Variants in FRG2C observed in about 807,000 individuals in gnomAD.
FRG2C encodes protein FRG2-like-2.
Under a neutral mutation model 14.1 loss-of-function variants are expected in FRG2C, and 8 were observed. The ratio of observed to expected loss-of-function variants is 0.57; its 90% confidence interval spans 0.33 to 1.02. The LOEUF (loss-of-function observed/expected upper bound fraction) is 1.02, where lower values mean the gene tolerates loss of function less well. FRG2C is among the 50% of genes least tolerant of loss of function. The pLI, the probability that FRG2C is intolerant of heterozygous loss-of-function variation, is 0.03. For missense variants in FRG2C, 214 were observed against 334.2 expected (o/e 0.64, Z 2.80); for synonymous variants, 92 against 127.4 (o/e 0.72, Z 1.87).
At chr3:75,665,448 A>T (rs1937064463) in intron 3 of FRG2C, 79 bp from the exon 4 acceptor site, 5 of 1,555,340 alleles carry the variant, frequency 3.2e-6, no homozygotes, top group Non-Finnish European at 4.3e-6. Context: ...AATGGGGTTC[A>T]CCTGGGTGCA....
Position 75,666,645 on chromosome 3 carries a change from T to C in FRG2C, c.*604T>C. On this transcript the variant is annotated 3_prime_UTR_variant, in exon 4 of 4. Transcript: ENST00000308062. Reference sequence around the variant, plus strand: ...GCCTCCACCTCCCGACGTGGTGGGGTTACAGGCATGAGCCGCTTTACCAAG... The same window carrying C: ...GCCTCCACCTCCCGACGTGGTGGGGCTACAGGCATGAGCCGCTTTACCAAG... 6.2e-6 allele frequency: 1 copy of C among 160,438 alleles called. No homozygotes were observed. Among genetic ancestry groups the C allele is most frequent in the South Asian group, 1.8e-4 (1 of 5,550 alleles). The allele number at this position is 160,438 out of a possible 1,614,324, so 9.9% of individuals were successfully genotyped here.
Position 75,665,192 on chromosome 3 carries a change from A to G in FRG2C, c.323A>G (p.Gln108Arg). 1 of 1,614,140 alleles carries G rather than the reference A, an allele frequency of 6.2e-7. No homozygotes were observed. Residue 108 changes from glutamine to arginine, a missense_variant, in exon 3 of 4, where the codon CAA becomes CGA. Gln to Arg is a conservative substitution (Grantham distance 43). Around this residue, in one of 3 missense-constraint regions of FRG2C, gnomAD observed 136 missense variants for 148.1 expected, o/e 0.92. Coordinates refer to ENST00000308062, the MANE Select transcript of FRG2C (RefSeq NM_001124759.5). ...AAAATCAGTTCCAAGGATATCTGCC[A>G]AGACAGAGCAGGTAGAATCTTGGTG... ...KRKISSKDIC[Q>R]DRAGNCPEEE...
At position 75,665,805 on chromosome 3, in the gene FRG2C, T is replaced by C. The variant is rs1423554966; in HGVS notation, c.613T>C (p.Cys205Arg). 8.7e-6 allele frequency: 14 copies of C among 1,614,058 alleles called. No homozygotes were observed. The highest frequency in any genetic ancestry group is 1.7e-5 in the Admixed American group (1 of 60,022). The change falls in exon 4 of 4, where the codon TGT (cysteine) becomes CGT (arginine). Residue 205 changes from cysteine to arginine, a missense_variant. Cys to Arg is a radical substitution (Grantham distance 180). Around this residue, in one of 3 missense-constraint regions of FRG2C, gnomAD observed 55 missense variants for 118.9 expected, o/e 0.46. Coordinates refer to ENST00000308062, the MANE Select transcript of FRG2C (RefSeq NM_001124759.5). The stretch of plus-strand genomic sequence containing the variant: ...ACAGCAGATCCATTCTCCACTGACC[T>C]GTGAGCAGCTGACACTGCTCACTCG... ...WAQQIHSPLT[C>R]EQLTLLTRLR...
Position 75,667,157 on chromosome 3 carries a change from T to C in FRG2C, c.*1116T>C, listed in dbSNP as rs1937133919. 1 of 152,306 alleles carries C rather than the reference T, an allele frequency of 6.6e-6. No individual in the cohort carries two copies. Among genetic ancestry groups the C allele is most frequent in the African/African-American group, 2.4e-5 (1 of 41,486 alleles). 9.4% of individuals were successfully genotyped at this position (152,306 alleles called of 1,614,324 possible). On this transcript the variant is annotated 3_prime_UTR_variant, in exon 4 of 4. Transcript: ENST00000308062. Reference sequence around the variant, plus strand: ...TGTAATAATGAAATAAACATTAATGTTGTTTGGAATTTTAAATTTCTTTCA... The same window carrying C: ...TGTAATAATGAAATAAACATTAATGCTGTTTGGAATTTTAAATTTCTTTCA...
At position 75,664,431 on chromosome 3, in the gene FRG2C, T is replaced by TC; in HGVS notation, c.54dup (p.Thr19HisfsTer2). ...TCTCCACTGTTCCTCCATCCAGTGC[T>TC]CCACTGACCAGCCCCCTTTCCAACA... On this transcript the variant is annotated frameshift_variant, in exon 1 of 4. Transcript: ENST00000308062. LOFTEE classifies it high-confidence loss of function. The TC allele has an allele frequency of 6.2e-7, 1 of 1,612,214 alleles. No homozygotes were observed. The highest frequency in any genetic ancestry group is 1.1e-5 in the South Asian group (1 of 90,998).
chr3:75,664,965 G>A, intron 2 of FRG2C, 69 bp downstream of exon 2: 1 of 1,613,766 alleles, frequency 6.2e-7, no homozygotes, highest in Non-Finnish European at 8.5e-7. Flanking sequence ...CAAGGAAACT[G>A]GGAGCTCCTT....
In FRG2C at chr3:75,664,867, T is replaced by C; in HGVS notation, c.227T>C (p.Leu76Pro). ...AAGGAGAATTCTGAGGAAACCAAGC[T>C]CAAGGCCGGGAACAGCACTGCTGGA... ...PNKENSEETK[L>P]KAGNSTAGSE... Residue 76 changes from leucine (L) to proline (P), a missense_variant, in exon 2 of 4, where the codon CTC becomes CCC. Physicochemically the swap from Leu to Pro is moderately conservative, Grantham distance 98. Coordinates refer to ENST00000308062, the MANE Select transcript of FRG2C (RefSeq NM_001124759.5). 6.2e-7 allele frequency: 1 copy of C among 1,614,256 alleles called. No individual in the cohort carries two copies.
chr3:75,665,267 A>G, intron 3 of FRG2C, 64 bp downstream of exon 3: 2 of 1,558,104 alleles, frequency 1.3e-6, no homozygotes, highest in Non-Finnish European at 1.8e-6. Flanking sequence ...GGTTTGCCCC[A>G]AAAGGCAAAT....
Position 75,664,335 on chromosome 3 carries a change from G to C in FRG2C, c.-45G>C, listed in dbSNP as rs1937021358. On this transcript the variant is annotated 5_prime_UTR_variant, in exon 1 of 4. Transcript: ENST00000308062. ...GGTCTAGCAGACTAACCCACACTCT[G>C]CCTTTGGACATGTGAGAGAGCGCAC... 6.2e-7 allele frequency: 1 copy of C among 1,611,912 alleles called. No homozygotes were observed.
Position 75,665,649 on chromosome 3 carries a change from T to A in FRG2C, c.457T>A (p.Cys153Ser). The A allele has an allele frequency of 6.2e-7, 1 of 1,614,066 alleles. No individual in the cohort carries two copies. Among genetic ancestry groups the A allele is most frequent in the East Asian group, 2.2e-5 (1 of 44,894 alleles). ...CCACCATAGGGGAAGTTCCAGGGCT[T>A]GCACTGGGCGCAGCAAGCGGCATAG... is the stretch of plus-strand genomic sequence containing the variant. ...DAHHRGSSRA[C>S]TGRSKRHRSR... The change falls in exon 4 of 4, where the codon TGC (cysteine) becomes AGC (serine). Residue 153 changes from cysteine to serine, a missense_variant. Physicochemically the swap from Cys to Ser is moderately radical, Grantham distance 112 (BLOSUM62 -1). Around this residue, in one of 3 missense-constraint regions of FRG2C, gnomAD observed 136 missense variants for 148.1 expected, o/e 0.92. Coordinates refer to ENST00000308062, the MANE Select transcript of FRG2C (RefSeq NM_001124759.5).
chr3:75,665,800 T>C lies in FRG2C; in HGVS notation c.608T>C (p.Leu203Pro). The C allele has an allele frequency of 6.2e-7, 1 of 1,614,060 alleles. No individual in the cohort carries two copies. Among genetic ancestry groups the C allele is most frequent in the Non-Finnish European group, 8.5e-7 (1 of 1,179,868 alleles). ...TGGGCACAGCAGATCCATTCTCCAC[T>C]GACCTGTGAGCAGCTGACACTGCTC... ...QVWAQQIHSP[L>P]TCEQLTLLTR... The change falls in exon 4 of 4, where the codon CTG (leucine) becomes CCG (proline). Residue 203 changes from leucine to proline, a missense_variant. By Grantham distance (98) the Leu-to-Pro change is moderately conservative. Coordinates refer to ENST00000308062, the MANE Select transcript of FRG2C (RefSeq NM_001124759.5).
At chr3:75,664,677 C>G in intron 1 of FRG2C, 120 bp downstream of exon 1, 2 of 1,609,622 alleles carry the variant, frequency 1.2e-6, no homozygotes, top group Non-Finnish European at 1.7e-6. Context: ...GCTTAGTGCC[C>G]TTAGGGGACT....
In FRG2C at chr3:75,665,160, G is replaced by C. The variant is rs79850029; in HGVS notation, c.291G>C (p.Arg97Ser). Reference sequence around the variant, plus strand: ...CCAGCTCATATCAGGAAAACTGCAGGAAAAGAAAAATCAGTTCCAAGGATA... The same window carrying C: ...CCAGCTCATATCAGGAAAACTGCAGCAAAAGAAAAATCAGTTCCAAGGATA... ...PESSSYQENC[R>S]KRKISSKDIC... Residue 97 changes from arginine to serine, a missense_variant, in exon 3 of 4, where the codon AGG becomes AGC. Physicochemically the swap from Arg to Ser is moderately radical, Grantham distance 110. Transcript: ENST00000308062. 1.1e-6 allele frequency: 1 copy of C among 930,934 alleles called. No individual in the cohort carries two copies. The highest frequency in any genetic ancestry group is 1.7e-5 in the African/African-American group (1 of 57,936). The allele number at this position is 930,934 out of a possible 1,614,324, so 57.7% of individuals were successfully genotyped here. A position where few individuals can be genotyped will look rare whatever the true frequency, so the allele number is the denominator to read the frequency against.
Position 75,666,813 on chromosome 3 carries a change from T to C in FRG2C, c.*772T>C, listed in dbSNP as rs1937119322. The C allele has an allele frequency of 6.6e-6, 1 of 152,318 alleles. No homozygotes were observed. The highest frequency in any genetic ancestry group is 1.5e-5 in the Non-Finnish European group (1 of 68,062). The allele number at this position is 152,318 out of a possible 1,614,324, so 9.4% of individuals were successfully genotyped here. A position where few individuals can be genotyped will look rare whatever the true frequency, so the allele number is the denominator to read the frequency against. On this transcript the variant is annotated 3_prime_UTR_variant, in exon 4 of 4. Coordinates refer to ENST00000308062, the MANE Select transcript of FRG2C (RefSeq NM_001124759.5). ...TACAGTTTGCATAGTAAAATTACTA[T>C]GCAAGCTGTTTACTTTTAATATTTC...
intron 3 of FRG2C, 126 bp downstream of exon 3, chr3:75,665,329 C>G: frequency 6.9e-7 from 1 of 1,439,908 alleles, no homozygotes; most frequent in Non-Finnish European, 9.6e-7. Flanking sequence ...TACTTATTGA[C>G]AAGTAAATTT....
rs2106742320 is a variant in FRG2C, at chr3:75,666,064, T to C, written c.*23T>C. On this transcript the variant is annotated 3_prime_UTR_variant, in exon 4 of 4. Coordinates refer to ENST00000308062, the MANE Select transcript of FRG2C (RefSeq NM_001124759.5). ...TGACCCTATTCAGCAGAGATGCAGC[T>C]CTGGGAATGAGAACAAGGACCTGCT... is the stretch of plus-strand genomic sequence containing the variant. 1.2e-6 allele frequency: 2 copies of C among 1,612,158 alleles called. No homozygotes were observed. The highest frequency in any genetic ancestry group is 4.5e-5 in the East Asian group (2 of 44,894).
rs1937134431 is a variant in FRG2C, at chr3:75,667,173, A to G, written c.*1132A>G. 3 of 152,424 alleles carry G rather than the reference A, an allele frequency of 2.0e-5. No homozygotes were observed. The highest frequency in any genetic ancestry group is 1.9e-4 in the East Asian group (1 of 5,194). 9.4% of individuals were successfully genotyped at this position (152,424 alleles called of 1,614,324 possible). On this transcript the variant is annotated 3_prime_UTR_variant, in exon 4 of 4. Coordinates refer to ENST00000308062, the MANE Select transcript of FRG2C (RefSeq NM_001124759.5). ...ACATTAATGTTGTTTGGAATTTTAA[A>G]TTTCTTTCATATGGAATTTGTATTT...
rs1288780959 is a variant in FRG2C, at chr3:75,664,368, T to C, written c.-12T>C. ...ACATGTGAGAGAGCGCACCTTTCAC[T>C]TGAGCTTCAACATGGGAAAGGGAAA... On this transcript the variant is annotated 5_prime_UTR_variant, in exon 1 of 4. Transcript: ENST00000308062. The C allele has an allele frequency of 3.7e-6, 6 of 1,612,018 alleles. No homozygotes were observed. The highest frequency in any genetic ancestry group is 1.3e-5 in the African/African-American group (1 of 74,894).
Position 75,664,845 on chromosome 3 carries a change from G to A in FRG2C, c.205G>A (p.Glu69Lys). ...AGGATCAGATCCCAATCCAAACAAG[G>A]AGAATTCTGAGGAAACCAAGCTCAA... Reference protein sequence around the residue: ...QAGSDPNPNKENSEETKLKAG... With the variant: ...QAGSDPNPNKKNSEETKLKAG... Residue 69 changes from glutamate to lysine, a missense_variant, in exon 2 of 4, where the codon GAG becomes AAG. Coordinates refer to ENST00000308062, the MANE Select transcript of FRG2C (RefSeq NM_001124759.5). The A allele has an allele frequency of 5.6e-6, 9 of 1,614,248 alleles. No individual in the cohort carries two copies. The highest frequency in any genetic ancestry group is 3.3e-5 in the South Asian group (3 of 91,088).
Sources: allele counts gnomAD v4.1 joint callset, GRCh38; gene constraint gnomAD v4.1.1; regional missense constraint gnomAD v4.1.1; transcripts MANE v1.5; gene names NCBI Gene and HGNC (gene_info 2026-07-23, HGNC 2026-07-21).